The following NRXN1 variants were observed in gnomAD, a reference collection of about 807,000 sequenced individuals.
NRXN1 encodes neurexin 1.
NRXN1 carries 39 observed loss-of-function variants against 150.9 expected under a neutral mutation model. The ratio of observed to expected loss-of-function variants is 0.26; its 90% CI spans 0.20 to 0.34. The LOEUF is 0.34. Among genes scored for constraint, NRXN1 ranks in the 10% least tolerant of loss-of-function variants. The pLI is 1.00. For synonymous variants in NRXN1, 924 were observed against 757.0 expected (o/e 1.22, Z -3.62); for missense variants, 1,815 against 1,949.9 (o/e 0.93, Z 1.30).
intron 2 of NRXN1, among the ~76,000 whole-genome samples, chr2:50,992,195 T>C (rs77216446): frequency 6.6e-6 from 1 of 151,972 alleles, no homozygotes; most frequent in East Asian, 1.9e-4. Context: ...GAACTAGCAA[T>C]AATGAGTTTA....
intron 5 of NRXN1, among the ~76,000 whole-genome samples, chr2:50,695,502 C>G (rs1692694999): frequency 6.6e-6 from 1 of 152,096 alleles, no homozygotes; most frequent in South Asian, 2.1e-4. Flanking sequence ...TTGCTAGGGA[C>G]AGAGATATAG....
At chr2:50,628,312 C>A (rs980705299) in intron 5 of NRXN1, among the ~76,000 whole-genome samples, 7 of 151,762 alleles carry the variant, frequency 4.6e-5, no homozygotes, top group East Asian at 1.9e-4. Flanking sequence ...TATATCATTT[C>A]TTTTGTATTG....
At chr2:50,266,004 T>G (rs1258426746) in intron 17 of NRXN1, among the ~76,000 whole-genome samples, 1 of 37,384 alleles carries the variant, frequency 2.7e-5, no homozygotes, top group African/African-American at 1.0e-4. Context: ...TATTATTTAT[T>G]TTTTTTTTTT....
At chr2:50,220,210 A>G (rs1474709461) in intron 18 of NRXN1, among the ~76,000 whole-genome samples, 1 of 150,552 alleles carries the variant, frequency 6.6e-6, no homozygotes, top group Non-Finnish European at 1.5e-5. Context: ...AGGGAAACAT[A>G]TTATTTTCAC....
intron 18 of NRXN1, among the ~76,000 whole-genome samples, chr2:50,159,031 G>A (rs2059205557): frequency 6.6e-6 from 1 of 152,058 alleles, no homozygotes; most frequent in South Asian, 2.1e-4. Context: ...TGCCAATGAT[G>A]ATCAGAGAGA....
chr2:50,773,911 C>A (rs1177293802), intron 5 of NRXN1, among the ~76,000 whole-genome samples: 1 of 152,076 alleles, frequency 6.6e-6, no homozygotes, highest in Non-Finnish European at 1.5e-5. Flanking sequence ...AGGACTGCAA[C>A]AGAACACTGA....
chr2:50,829,535 A>G lies in NRXN1; in HGVS notation c.832+92334T>C, dbSNP rs570935498. 1.9e-6 allele frequency: 3 copies of G among 1,610,438 alleles called. No individual in the cohort carries two copies. The East Asian group carries it at 6.7e-5, about 36-fold the overall frequency. On this transcript the variant is annotated intron_variant, in intron 5 of 22. Coordinates refer to ENST00000401669, the MANE Select transcript of NRXN1 (RefSeq NM_001330078.2). Reference sequence around the variant, plus strand: ...GCACAGTGGCAAGTGCGATGGCCTTATAAGGGATCTTAGGAGGGGTTTTCT... The same window carrying G: ...GCACAGTGGCAAGTGCGATGGCCTTGTAAGGGATCTTAGGAGGGGTTTTCT...
chr2:50,585,364 G>C (rs12713115), intron 8 of NRXN1, among the ~76,000 whole-genome samples: 82,223 of 151,952 alleles, frequency 0.54, 22,787 homozygotes, highest in East Asian at 0.88. Context: ...GTTACCAGGG[G>C]CTTGTGGGAG....
At chr2:50,026,993 T>C (rs1313402305) in intron 21 of NRXN1, among the ~76,000 whole-genome samples, 3 of 148,798 alleles carry the variant, frequency 2.0e-5, no homozygotes, top group Non-Finnish European at 4.4e-5. Flanking sequence ...GCGATTCTTC[T>C]GCTTCAGCCT....
intron 5 of NRXN1, among the ~76,000 whole-genome samples, chr2:50,883,308 G>A (rs574223304): frequency 6.6e-6 from 1 of 151,550 alleles, no homozygotes; most frequent in Admixed American, 6.6e-5. Context: ...TAGTTTCTAG[G>A]TTTATCCAGA....
At chr2:50,959,977 A>T (rs1692883062) in intron 2 of NRXN1, among the ~76,000 whole-genome samples, 1 of 152,068 alleles carries the variant, frequency 6.6e-6, no homozygotes, top group South Asian at 2.1e-4. Flanking sequence ...GACTGCTTCT[A>T]TAACCATTTT....
At chr2:50,495,158 A>C (rs2091494393) in intron 15 of NRXN1, among the ~76,000 whole-genome samples, 1 of 152,200 alleles carries the variant, frequency 6.6e-6, no homozygotes, top group Non-Finnish European at 1.5e-5. Flanking sequence ...GTGTTAAATT[A>C]GATGGGATAC....
intron 17 of NRXN1, among the ~76,000 whole-genome samples, chr2:50,345,607 T>C (rs1164935039): frequency 6.6e-6 from 1 of 152,212 alleles, no homozygotes; most frequent in Non-Finnish European, 1.5e-5. Context: ...AACAGATTGA[T>C]GTTTTAATTT....
chr2:50,390,166 G>T (rs563519918), intron 17 of NRXN1, among the ~76,000 whole-genome samples: 1 of 152,050 alleles, frequency 6.6e-6, no homozygotes, highest in Non-Finnish European at 1.5e-5. Context: ...TGTTTTTATA[G>T]AAATTTCATG....
intron 5 of NRXN1, among the ~76,000 whole-genome samples, chr2:50,830,848 T>G (rs1671308859): frequency 6.6e-6 from 1 of 152,016 alleles, no homozygotes; most frequent in Admixed American, 6.6e-5. Flanking sequence ...CTTTTCACTC[T>G]TAAGTATAGA....
intron 8 of NRXN1, among the ~76,000 whole-genome samples, chr2:50,561,682 C>A (rs1669102887): frequency 6.6e-6 from 1 of 152,130 alleles, no homozygotes; most frequent in Admixed American, 6.5e-5. Flanking sequence ...GGAACTGGAG[C>A]TTATTTAAAG....
intron 9 of NRXN1, among the ~76,000 whole-genome samples, chr2:50,539,406 A>C (rs879551498): frequency 1.3e-5 from 2 of 152,196 alleles, no homozygotes; most frequent in Admixed American, 6.5e-5. Context: ...CCAAATGTTA[A>C]GGAGAAAAAT....
chr2:50,266,006 T>TA (rs1558409120), intron 17 of NRXN1, among the ~76,000 whole-genome samples: 151 of 99,486 alleles, frequency 1.5e-3, no homozygotes, highest in African/African-American at 5.4e-3. Context: ...TTATTTATTT[T>TA]TTTTTTTTTT....
chr2:50,296,076 A>T (rs932425514), intron 17 of NRXN1, among the ~76,000 whole-genome samples: 2 of 152,242 alleles, frequency 1.3e-5, no homozygotes, highest in African/African-American at 4.8e-5. Context: ...TGGGCACGGC[A>T]TTTCTAGGCA....
Sources: allele counts gnomAD v4.1 joint callset (sites outside exome capture counted in the v4.1 genomes callset), GRCh38; gene constraint gnomAD v4.1.1; transcripts MANE v1.5; gene names NCBI Gene and HGNC (gene_info 2026-07-23, HGNC 2026-07-21).